Variants in SETDB1 observed in about 807,000 individuals in gnomAD.
SETDB1 encodes SET domain bifurcated histone lysine methyltransferase 1.
SETDB1 carries 31 observed loss-of-function variants against 137.4 expected under a neutral mutation model. The observed-to-expected ratio is 0.23, with a 90% CI of 0.17 to 0.30. The LOEUF is 0.30. Ranked by LOEUF, SETDB1 falls within the 10% of genes least tolerant of loss-of-function variation. SETDB1 has a pLI of 1.00. For synonymous variants in SETDB1, 548 were observed against 579.9 expected, an observed-to-expected ratio of 0.95 and a Z score of 0.79; for missense variants, 1,113 against 1,631.5, an observed-to-expected ratio of 0.68 and a Z score of 5.47.
rs587609347 is a variant in SETDB1 at position 150,960,196 on chromosome 1, G to A, written c.2504-367G>A. Among the ~76,000 whole-genome samples, 54 of 151,714 alleles carry A rather than the reference G, an allele frequency of 3.6e-4. 1 individual carries two copies. The Middle Eastern group carries it at 0.024, about 67-fold the overall frequency. ...TTCTTTCTAATAGGTCCCCGTGGCCGGGTGCGGTGGCTAACACCTGTAATC... is the reference window on the plus strand; with the variant it reads ...TTCTTTCTAATAGGTCCCCGTGGCCAGGTGCGGTGGCTAACACCTGTAATC... On this transcript the variant is annotated intron_variant, in intron 15 of 21. Coordinates refer to ENST00000692827, the MANE Select transcript of SETDB1 (RefSeq NM_001366418.1).
In SETDB1 at chr1:150,960,907, C is replaced by G. The variant is rs1670796529; in HGVS notation, c.2848C>G (p.Pro950Ala). The change falls in exon 16 of 22, where the codon CCC becomes GCC. Residue 950 changes from proline (P) to alanine (A), a missense_variant. Pro to Ala is a conservative substitution (Grantham distance 27). This residue lies in a region of SETDB1 where 373 missense variants were observed against 412.7 expected (regional missense o/e 0.90). Transcript: ENST00000692827. Reference protein sequence around the residue: ...LSETTSKDSHPPDLGPPHIPV... With the variant: ...LSETTSKDSHAPDLGPPHIPV... ...TGAGACAACTTCCAAGGACTCCCACCCCCCAGATCTTGGACCCCCACATAT... is the reference window on the plus strand; with the variant it reads ...TGAGACAACTTCCAAGGACTCCCACGCCCCAGATCTTGGACCCCCACATAT... 17 of 1,612,018 alleles carry G rather than the reference C, an allele frequency of 1.1e-5. No individual in the cohort carries two copies. The highest frequency in any genetic ancestry group is 2.2e-5 in the East Asian group (1 of 44,856).
chr1:150,932,221 A>AG (rs1320929300), intron 3 of SETDB1, among the ~76,000 whole-genome samples: 7 of 149,694 alleles, frequency 4.7e-5, no homozygotes, highest in African/African-American at 1.7e-4. Flanking sequence ...CCCCTTCTCT[A>AG]ATTTTTTTTT....
chr1:150,932,309 C>CT (rs1669785726), intron 3 of SETDB1, among the ~76,000 whole-genome samples: 2 of 151,260 alleles, frequency 1.3e-5, no homozygotes, highest in African/African-American at 4.9e-5. Flanking sequence ...TTGTGGTGTC[C>CT]TTGTTTGGCT....
intron 10 of SETDB1, among the ~76,000 whole-genome samples, chr1:150,948,813 C>T (rs1670410071): frequency 6.6e-6 from 1 of 151,774 alleles, no homozygotes; most frequent in East Asian, 1.9e-4. Context: ...ACCTCCACCT[C>T]CTGGTTTCAA....
At chr1:150,938,876 C>T (rs71624514) in intron 3 of SETDB1, among the ~76,000 whole-genome samples, 8,425 of 149,754 alleles carry the variant, frequency 0.056, 325 homozygotes, top group East Asian at 0.097. Context: ...ACCTGTAGTC[C>T]CAGCCGCTTT....
Position 150,942,707 on chromosome 1 carries a change from G to C in SETDB1, c.673+19G>C. 1.9e-6 allele frequency: 3 copies of C among 1,607,838 alleles called. No individual in the cohort carries two copies. The Admixed American group carries it at 5.1e-5, about 27-fold the overall frequency. ...ACAGTTGGTATGTGCAAACTTGGAGGAACCACTCCTGAAAGGCAACCTGCA... is the reference window on the plus strand; with the variant it reads ...ACAGTTGGTATGTGCAAACTTGGAGCAACCACTCCTGAAAGGCAACCTGCA... On this transcript the variant is annotated intron_variant, in intron 6 of 21. Coordinates refer to ENST00000692827, the MANE Select transcript of SETDB1 (RefSeq NM_001366418.1).
In SETDB1 at chr1:150,963,544, C is replaced by T; in HGVS notation, c.3475C>T (p.Gln1159Ter). ...KKNMTGPMKR[Q>*]VAVKSTRGFA... ...CTCCTGTCCAGGTCCAATGAAGCGTCAAGTGGCAGTAAAATCAACCCGAGG... is the reference window on the plus strand; with the variant it reads ...CTCCTGTCCAGGTCCAATGAAGCGTTAAGTGGCAGTAAAATCAACCCGAGG... The change falls in exon 20 of 22, where the codon CAA (glutamine) becomes TAA (stop). Residue 1159 changes from glutamine to a stop codon, truncating the protein, a stop_gained. Coordinates refer to ENST00000692827, the MANE Select transcript of SETDB1 (RefSeq NM_001366418.1). LOFTEE classifies it high-confidence loss of function. 1.2e-6 allele frequency: 2 copies of T among 1,612,866 alleles called. No homozygotes were observed. The highest frequency in any genetic ancestry group is 1.7e-6 in the Non-Finnish European group (2 of 1,179,198).
At chr1:150,930,184 T>A (rs1266226667) in intron 3 of SETDB1, 66 bp downstream of exon 3, 2 of 1,300,324 alleles carry the variant, frequency 1.5e-6, no homozygotes, top group Non-Finnish European at 2.2e-6. Flanking sequence ...GATGAGCAAA[T>A]AGAAGATAAT....
At chr1:150,940,876 T>C (rs890699176) in intron 4 of SETDB1, among the ~76,000 whole-genome samples, 2 of 152,124 alleles carry the variant, frequency 1.3e-5, no homozygotes, top group African/African-American at 4.8e-5. Context: ...CACGTGCCTG[T>C]AGTCCCAGCT....
intron 9 of SETDB1, chr1:150,945,343 ATTTT>A: frequency 1.4e-6 from 2 of 1,397,162 alleles, no homozygotes; most frequent in Non-Finnish European, 1.9e-6. Flanking sequence ...TGATTTATTT[ATTTT>A]TTTTCTTTAG....
At chr1:150,936,679 C>T (rs1385298941) in intron 3 of SETDB1, among the ~76,000 whole-genome samples, 1 of 151,926 alleles carries the variant, frequency 6.6e-6, no homozygotes, top group Non-Finnish European at 1.5e-5. Context: ...ATAGAAACCT[C>T]AACTTTATTT....
At chr1:150,946,426 CACAT>C (rs964797228) in intron 9 of SETDB1, among the ~76,000 whole-genome samples, 1 of 151,712 alleles carries the variant, frequency 6.6e-6, no homozygotes, top group African/African-American at 2.4e-5. Flanking sequence ...TGGATCCTGG[CACAT>C]ACTTTATTAA....
At chr1:150,949,101 T>C in intron 10 of SETDB1, 21 bp from the exon 11 acceptor site, 2 of 1,605,988 alleles carry the variant, frequency 1.2e-6, no homozygotes, top group Admixed American at 1.7e-5. Flanking sequence ...TTCTCAGTGC[T>C]CAATTTCCTT....
chr1:150,945,058 A>G lies in SETDB1; in HGVS notation c.1090A>G (p.Lys364Glu). ...IKTEWEGTWW[K>E]SRVEEVDGSL... is the part of the protein sequence containing the mutation. ...GACTGAGTGGGAAGGCACGTGGTGG[A>G]AGTCCCGAGTTGAGGAGGTGGATGG... Residue 364 changes from lysine (K) to glutamate (E), a missense_variant, in exon 9 of 22, where the codon AAG becomes GAG. By Grantham distance (56) the Lys-to-Glu change is moderately conservative. Coordinates refer to ENST00000692827, the MANE Select transcript of SETDB1 (RefSeq NM_001366418.1). The G allele has an allele frequency of 6.2e-7, 1 of 1,614,100 alleles. No homozygotes were observed. The highest frequency in any genetic ancestry group is 8.5e-7 in the Non-Finnish European group (1 of 1,180,026).
In SETDB1 at chr1:150,943,104, G is replaced by C. The variant is rs1248798956; in HGVS notation, c.875+51G>C. On this transcript the variant is annotated intron_variant, in intron 7 of 21. Transcript: ENST00000692827. ...GGTAGAGGCTGGGAGCACAGCACCT[G>C]CCCTGTTCGTGCCATAGACCAGATA... The C allele has an allele frequency of 2.2e-6, 3 of 1,343,404 alleles. No homozygotes were observed. The South Asian group carries it at 3.6e-5, about 16-fold the overall frequency. 83.2% of individuals were successfully genotyped at this position (1,343,404 alleles called of 1,614,324 possible). A position where few individuals can be genotyped will look rare whatever the true frequency, so the allele number is the denominator to read the frequency against.
chr1:150,960,476 G>A (rs1243669107), intron 15 of SETDB1, 87 bp from the exon 16 acceptor site: 205 of 1,023,772 alleles, frequency 2.0e-4, no homozygotes, highest in Non-Finnish European at 2.7e-4. Context: ...GACTCCATCT[G>A]GAAAAAAAAA....
chr1:150,944,018 A>T (rs369655650), intron 8 of SETDB1, 25 bp downstream of exon 8: 1 of 1,514,758 alleles, frequency 6.6e-7, no homozygotes, highest in Non-Finnish European at 9.2e-7. Flanking sequence ...CTTATTCCTT[A>T]GCTCAGTTTT....
rs1670883509 is a variant in SETDB1 at position 150,963,359 on chromosome 1, A to G, written c.3461-171A>G. 3 of 747,600 alleles carry G rather than the reference A, an allele frequency of 4.0e-6. No individual in the cohort carries two copies. In the African/African-American group the frequency reaches 5.3e-5, roughly 13 times the overall value. The allele number at this position is 747,600 out of a possible 1,614,324, so 46.3% of individuals were successfully genotyped here. The stretch of plus-strand genomic sequence containing the variant: ...TCCCCTCAGCTCCTTTGTCTAGCAG[A>G]TCTAATTATGCTTGAAAAAAAAACC... On this transcript the variant is annotated intron_variant, in intron 19 of 21. Coordinates refer to ENST00000692827, the MANE Select transcript of SETDB1 (RefSeq NM_001366418.1).
Position 150,961,082 on chromosome 1 carries a change from A to G in SETDB1, c.3023A>G (p.Asn1008Ser). 7.9e-7 allele frequency: 1 copy of G among 1,260,408 alleles called. No individual in the cohort carries two copies. 78.1% of individuals were successfully genotyped at this position (1,260,408 alleles called of 1,614,324 possible). The change falls in exon 16 of 22, where the codon AAT becomes AGT. Residue 1008 changes from asparagine to serine, a missense_variant. Asn to Ser is a conservative substitution (Grantham distance 46). Coordinates refer to ENST00000692827, the MANE Select transcript of SETDB1 (RefSeq NM_001366418.1). ...GATAGCCATTCATCCTTCAAGACTAATGAAGGTGGGGAGGGCCGGGCTGGG... is the reference window on the plus strand; with the variant it reads ...GATAGCCATTCATCCTTCAAGACTAGTGAAGGTGGGGAGGGCCGGGCTGGG... ...DSDSHSSFKT[N>S]EGGEGRAGGS... is the part of the protein sequence containing the mutation.
Sources: gnomAD v4.1 joint callset for allele counts (sites outside exome capture counted in the v4.1 genomes callset) on GRCh38, gnomAD v4.1.1 for gene constraint, gnomAD v4.1.1 regional missense constraint, MANE v1.5 for transcripts, NCBI Gene and HGNC (gene_info 2026-07-23, HGNC 2026-07-21) for gene names.